The following ARSH variants were observed in gnomAD, a reference collection of about 807,000 sequenced individuals.
ARSH encodes the protein arylsulfatase H.
Under a neutral mutation model 28.7 loss-of-function variants are expected in ARSH, and 32 were observed. The observed-to-expected ratio is 1.11, with a 90% confidence interval of 0.84 to 1.50. ARSH has a LOEUF of 1.50. ARSH is among the 40% of genes most tolerant of loss of function. The pLI is 0.00. For synonymous variants in ARSH, 176 were observed against 177.3 expected, an observed-to-expected ratio of 0.99 and a Z score of 0.06; for missense variants, 440 against 452.4, an observed-to-expected ratio of 0.97 and a Z score of 0.25.
chrX:3,010,754 G>C (rs1486783221), intron 2 of ARSH, among the ~76,000 whole-genome samples: 1 of 111,868 alleles, frequency 8.9e-6, no homozygotes, highest in Non-Finnish European at 1.9e-5. Context: ...CTAAAATATA[G>C]TGGTGCCCTT....
intron 4 of ARSH, among the ~76,000 whole-genome samples, chrX:3,015,748 G>C (rs552455563): frequency 9.1e-6 from 1 of 110,003 alleles, no homozygotes; most frequent in East Asian, 2.9e-4. Context: ...CTACCTATTG[G>C]GTGCTCTGCT....
Position 3,018,568 on chromosome X carries a change from T to G in ARSH, c.799T>G (p.Phe267Val), listed in dbSNP as rs2089872171. The change falls in exon 5 of 9, where the codon TTC becomes GTC. Residue 267 changes from phenylalanine to valine, a missense_variant. Transcript: ENST00000381130. ...KREPFLLFFSFLHVHTPLISK... is the reference protein window; with the variant it reads ...KREPFLLFFSVLHVHTPLISK... ...GGAACCTTTTCTCCTCTTTTTTTCC[T>G]TCCTGCACGTACATACTCCACTCAT... 4.1e-6 allele frequency: 5 copies of G among 1,209,325 alleles called. No individual in the cohort carries two copies. In the African/African-American group the frequency reaches 5.3e-5, roughly 13 times the overall value.
chrX:3,012,114 G>T (rs2089848384), intron 2 of ARSH, among the ~76,000 whole-genome samples: 1 of 112,251 alleles, frequency 8.9e-6, no homozygotes, highest in African/African-American at 3.2e-5. Context: ...TGGGATTACA[G>T]GCGTAAGCCA....
chrX:3,014,124 G>T (rs1400887288), intron 3 of ARSH, among the ~76,000 whole-genome samples: 1 of 111,113 alleles, frequency 9.0e-6, no homozygotes, highest in East Asian at 2.8e-4. Context: ...AAAATTAGCT[G>T]GGCATGGTGG....
rs2089920903 is a variant in ARSH, at chrX:3,033,503, T to A, written c.*118T>A. On this transcript the variant is annotated 3_prime_UTR_variant, in exon 9 of 9. Coordinates refer to ENST00000381130, the MANE Select transcript of ARSH (RefSeq NM_001011719.2). ...AAAAACTGATGGCCCAACCCATTGT[T>A]TTATCCTCAGAAATCAGTTCTTTCA... is the stretch of plus-strand genomic sequence containing the variant. 1.2e-6 allele frequency: 1 copy of A among 809,737 alleles called. No homozygotes were observed. The allele number at this position is 809,737 out of a possible 1,213,427, so 66.7% of individuals were successfully genotyped here. A position where few individuals can be genotyped will look rare whatever the true frequency, so the allele number is the denominator to read the frequency against.
chrX:3,029,108 T>G, intron 7 of ARSH, 139 bp from the exon 8 acceptor site: 3 of 652,758 alleles, frequency 4.6e-6, no homozygotes, highest in Non-Finnish European at 6.6e-6. Context: ...AAGAAATTCT[T>G]CCTCTTTATC....
At chrX:3,019,667 A>G (rs1209795669) in intron 5 of ARSH, among the ~76,000 whole-genome samples, 9 of 110,886 alleles carry the variant, frequency 8.1e-5, no homozygotes, top group African/African-American at 2.3e-4. Context: ...GAAACGAACA[A>G]TCTCCCAGTT....
In ARSH at chrX:3,033,211, C is replaced by T. The variant is rs780794500; in HGVS notation, c.1515C>T (p.Ser505=). 24 of 1,209,303 alleles carry T rather than the reference C, an allele frequency of 2.0e-5. No homozygotes were observed. The highest frequency in any genetic ancestry group is 5.3e-5 in the South Asian group (3 of 56,737). ...CTGACAATGAGCCATTATTTGACTCCGTGATCAAAAAGATGGAGGCAGCCA... is the reference window on the plus strand; with the variant it reads ...CTGACAATGAGCCATTATTTGACTCTGTGATCAAAAAGATGGAGGCAGCCA... ...LNPDNEPLFD[S]VIKKMEAAIR... The change falls in exon 9 of 9, where the codon TCC becomes TCT. Residue 505 remains serine, a synonymous_variant. Coordinates refer to ENST00000381130, the MANE Select transcript of ARSH (RefSeq NM_001011719.2).
At position 3,027,295 on chromosome X, in the gene ARSH, C is replaced by T. The variant is rs765744182; in HGVS notation, c.1037-18C>T. 11 of 1,206,434 alleles carry T rather than the reference C, an allele frequency of 9.1e-6. No homozygotes were observed. Among genetic ancestry groups the T allele is most frequent in the South Asian group, 5.3e-5 (3 of 56,267 alleles). ...GGTTTTAACTCATCTTTGGTTGTGT[C>T]GTAATCTTTGGTTTTAGGTGGCAAA... is the stretch of plus-strand genomic sequence containing the variant. On this transcript the variant is annotated intron_variant, in intron 6 of 8. Transcript: ENST00000381130.
At chrX:3,006,880 C>T (rs896190686) in intron 1 of ARSH, among the ~76,000 whole-genome samples, 176 bp downstream of exon 1, 2 of 110,945 alleles carry the variant, frequency 1.8e-5, no homozygotes, top group Non-Finnish European at 3.8e-5. Context: ...ACTTAACCTC[C>T]CAGTTTCCTT....
intron 5 of ARSH, among the ~76,000 whole-genome samples, chrX:3,020,588 CA>C (rs759581189): frequency 0.13 from 5,619 of 43,693 alleles, 86 homozygotes; most frequent in African/African-American, 0.22. Flanking sequence ...GACTCAGTCT[CA>C]AAAAAAAAAA....
chrX:3,024,422 G>A (rs2089893320), intron 6 of ARSH, among the ~76,000 whole-genome samples: 1 of 110,747 alleles, frequency 9.0e-6, no homozygotes, highest in Admixed American at 9.7e-5. Context: ...GCCTCCGCAC[G>A]ATTGACATTT....
chrX:3,010,251 G>C (rs2089843007), intron 2 of ARSH, 100 bp downstream of exon 2: 2 of 998,524 alleles, frequency 2.0e-6, no homozygotes, highest in African/African-American at 3.8e-5. Context: ...AGGTCACTCA[G>C]AGTATTAGGG....
At chrX:3,032,572 AG>A (rs2089917463) in intron 8 of ARSH, among the ~76,000 whole-genome samples, 1 of 105,755 alleles carries the variant, frequency 9.5e-6, no homozygotes, top group African/African-American at 3.4e-5. Flanking sequence ...AGTGAGAAAG[AG>A]GGAGGGAGGA....
intron 2 of ARSH, among the ~76,000 whole-genome samples, chrX:3,010,511 C>T (rs1426704970): frequency 1.8e-5 from 2 of 111,509 alleles, no homozygotes; most frequent in African/African-American, 6.5e-5. Context: ...AAATCCACCT[C>T]TGTGGATGAG....
intron 1 of ARSH, among the ~76,000 whole-genome samples, chrX:3,007,638 G>A (rs1182070213): frequency 1.8e-5 from 2 of 109,632 alleles, no homozygotes; most frequent in African/African-American, 3.3e-5. Flanking sequence ...GTCTTCACAG[G>A]GTCGTCCCTC....
chrX:3,008,389 C>T (rs187419689), intron 1 of ARSH, among the ~76,000 whole-genome samples: 2 of 111,533 alleles, frequency 1.8e-5, no homozygotes, highest in East Asian at 5.6e-4. Flanking sequence ...AGATCACAGT[C>T]TAGTCCTATA....
intron 1 of ARSH, among the ~76,000 whole-genome samples, chrX:3,009,664 A>T (rs1244121995): frequency 9.1e-6 from 1 of 110,468 alleles, no homozygotes; most frequent in Non-Finnish European, 1.9e-5. Flanking sequence ...CTCTTAAAAA[A>T]ATATGAAACA....
chrX:3,020,839 C>T (rs1344939142), intron 5 of ARSH, among the ~76,000 whole-genome samples: 1 of 110,151 alleles, frequency 9.1e-6, no homozygotes, highest in Non-Finnish European at 1.9e-5. Flanking sequence ...ACACACCCAG[C>T]TGCAGTTATT....
Sources: gnomAD v4.1 joint callset for allele counts (sites outside exome capture counted in the v4.1 genomes callset) on GRCh38, gnomAD v4.1.1 for gene constraint, MANE v1.5 for transcripts, NCBI Gene and HGNC (gene_info 2026-07-23, HGNC 2026-07-21) for gene names.